TPRG1: variants seen among roughly 807,000 people sequenced by gnomAD.
TPRG1 encodes the protein tumor protein p63 regulated 1.
In TPRG1, 29 loss-of-function variants were observed where a neutral mutation model predicts 29.3. The ratio of observed to expected loss-of-function variants is 0.99; its 90% confidence interval spans 0.74 to 1.35. TPRG1 has a LOEUF of 1.35. Among genes scored for constraint, TPRG1 ranks in the 40% most tolerant of loss-of-function variants. TPRG1 has a pLI of 0.00. For missense variants in TPRG1, 327 were observed against 335.0 expected (o/e 0.98, Z 0.19); for synonymous variants, 130 against 116.8 (o/e 1.11, Z -0.73).
chr3:189,249,102 G>A (rs1295752554), intron 4 of TPRG1, among the ~76,000 whole-genome samples: 1 of 150,596 alleles, frequency 6.6e-6, no homozygotes, highest in Non-Finnish European at 1.5e-5. Flanking sequence ...ACTCTATCTT[G>A]GTCTGTTTAG....
chr3:189,290,096 A>T (rs1198582689), intron 4 of TPRG1, among the ~76,000 whole-genome samples: 1 of 152,208 alleles, frequency 6.6e-6, no homozygotes, highest in Non-Finnish European at 1.5e-5. Flanking sequence ...GCTCTATGGC[A>T]GTGGGGGTGT....
chr3:189,077,375 C>T (rs1372373503), intron 4 of TPRG1, among the ~76,000 whole-genome samples: 2 of 151,910 alleles, frequency 1.3e-5, no homozygotes, highest in South Asian at 2.1e-4. Context: ...TGTATTTTTG[C>T]CTATACTAAC....
chr3:189,208,260 C>A (rs955026721), intron 2 of TPRG1, among the ~76,000 whole-genome samples: 2 of 152,172 alleles, frequency 1.3e-5, no homozygotes, highest in African/African-American at 2.4e-5. Flanking sequence ...CCCTCTTGAG[C>A]TCTTCTTCCT....
intron 4 of TPRG1, among the ~76,000 whole-genome samples, chr3:189,251,247 T>A (rs1742204660): frequency 6.6e-6 from 1 of 152,162 alleles, no homozygotes; most frequent in South Asian, 2.1e-4. Flanking sequence ...CATATACTGG[T>A]ACTTAATAAA....
chr3:189,068,249 A>T (rs1037636625), intron 4 of TPRG1, among the ~76,000 whole-genome samples: 2 of 152,198 alleles, frequency 1.3e-5, no homozygotes, highest in Admixed American at 6.5e-5. Context: ...AGAGAACAGT[A>T]TGGTGGTTCC....
intron 5 of TPRG1, chr3:189,315,711 TACA>T: frequency 3.7e-6 from 1 of 272,358 alleles, no homozygotes; most frequent in Non-Finnish European, 7.4e-6. Flanking sequence ...GTTTGCCTTT[TACA>T]ACAATTCAAC....
intron 3 of TPRG1, among the ~76,000 whole-genome samples, chr3:189,138,726 G>A (rs1283278172): frequency 6.6e-6 from 1 of 152,202 alleles, no homozygotes; most frequent in Non-Finnish European, 1.5e-5. Context: ...AGAGGCTAAG[G>A]GGAGAACACA....
intron 4 of TPRG1, among the ~76,000 whole-genome samples, chr3:189,045,200 C>G (rs1313553049): frequency 6.6e-6 from 1 of 152,130 alleles, no homozygotes; most frequent in Non-Finnish European, 1.5e-5. Context: ...CATGATATTT[C>G]AGTTTTAAGA....
intron 3 of TPRG1, among the ~76,000 whole-genome samples, chr3:189,224,252 G>T (rs1195669314): frequency 6.6e-6 from 1 of 152,228 alleles, no homozygotes. Context: ...GGAGGCGAAA[G>T]CGGGTGGATC....
intron 1 of TPRG1, among the ~76,000 whole-genome samples, chr3:189,193,756 C>A (rs1288265249): frequency 6.6e-6 from 1 of 150,732 alleles, no homozygotes; most frequent in Non-Finnish European, 1.5e-5. Context: ...CTGTTTGCTG[C>A]TTTATGTATG....
intron 5 of TPRG1, among the ~76,000 whole-genome samples, chr3:189,315,260 G>C (rs891027093): frequency 6.7e-6 from 1 of 149,670 alleles, no homozygotes; most frequent in Non-Finnish European, 1.5e-5. Context: ...CAAGGAAATG[G>C]GTATAAGCCT....
intron 4 of TPRG1, among the ~76,000 whole-genome samples, chr3:189,080,281 G>A (rs1043521028): frequency 1.3e-5 from 2 of 152,078 alleles, no homozygotes; most frequent in African/African-American, 2.4e-5. Context: ...GAATAGTAAG[G>A]CAACCCAGAG....
intron 4 of TPRG1, among the ~76,000 whole-genome samples, chr3:189,026,059 G>T (rs1313857906): frequency 6.6e-6 from 1 of 152,226 alleles, no homozygotes; most frequent in East Asian, 1.9e-4. Context: ...AGGAGTGAGG[G>T]AGAGTGTATT....
At chr3:189,089,494 T>A (rs1718196083) in intron 4 of TPRG1, among the ~76,000 whole-genome samples, 1 of 152,212 alleles carries the variant, frequency 6.6e-6, no homozygotes, top group African/African-American at 2.4e-5. Context: ...ATGAAATATC[T>A]GGAACTGGGT....
chr3:189,305,538 T>A (rs1721491157), intron 4 of TPRG1, among the ~76,000 whole-genome samples: 1 of 152,224 alleles, frequency 6.6e-6, no homozygotes, highest in Admixed American at 6.5e-5. Context: ...TTGCTTTTTT[T>A]GTGTGTAGAA....
intron 4 of TPRG1, among the ~76,000 whole-genome samples, chr3:189,024,447 T>C (rs1014506098): frequency 6.8e-6 from 1 of 146,850 alleles, no homozygotes; most frequent in Non-Finnish European, 1.5e-5. Context: ...TCTGTCTATA[T>C]AATATAGGCA....
intron 4 of TPRG1, among the ~76,000 whole-genome samples, chr3:189,049,057 G>A (rs1332266760): frequency 6.6e-6 from 1 of 152,156 alleles, no homozygotes; most frequent in Non-Finnish European, 1.5e-5. Flanking sequence ...GTAGCCAGAG[G>A]AGCAGGGAGT....
chr3:189,283,260 G>A (rs747052446), intron 4 of TPRG1, among the ~76,000 whole-genome samples: 21 of 152,070 alleles, frequency 1.4e-4, no homozygotes, highest in Non-Finnish European at 2.9e-5. Context: ...TTAAAGCAGT[G>A]GTACATCTCA....
chr3:189,202,304 C>G (rs1219299715), intron 1 of TPRG1, among the ~76,000 whole-genome samples: 1 of 152,162 alleles, frequency 6.6e-6, no homozygotes, highest in Non-Finnish European at 1.5e-5. Context: ...AGCTACCCCC[C>G]TCAGACCGGG....
Sources: allele counts gnomAD v4.1 joint callset (sites outside exome capture counted in the v4.1 genomes callset), GRCh38; gene constraint gnomAD v4.1.1; transcripts MANE v1.5; gene names NCBI Gene and HGNC (gene_info 2026-07-23, HGNC 2026-07-21).